CDC7: variants seen among roughly 807,000 people sequenced by gnomAD.
The protein encoded by CDC7 is cell division cycle 7, also known as cell division cycle 7-related protein kinase.
A neutral mutation model predicts 53.5 loss-of-function variants in CDC7; 34 were observed. That is an observed-to-expected ratio of 0.64 (90% confidence interval 0.48 to 0.85). The LOEUF (loss-of-function observed/expected upper bound fraction) is 0.85, where lower values mean the gene tolerates loss of function less well. Among genes scored for constraint, CDC7 ranks in the 40% least tolerant of loss-of-function variants. The pLI is 0.00. For missense variants in CDC7, 594 were observed against 679.7 expected, an observed-to-expected ratio of 0.87 and a Z score of 1.40; for synonymous variants, 211 against 222.8, an observed-to-expected ratio of 0.95 and a Z score of 0.47.
chr1:91,506,302 A>G (rs1666985634), intron 2 of CDC7, among the ~76,000 whole-genome samples: 1 of 151,650 alleles, frequency 6.6e-6, no homozygotes, highest in African/African-American at 2.4e-5. Context: ...CCCAGGCCAC[A>G]TTGTATTTCA....
At chr1:91,515,975 T>G in intron 10 of CDC7, 99 bp downstream of exon 10, 1 of 994,862 alleles carries the variant, frequency 1.0e-6, no homozygotes, top group African/African-American at 1.6e-5. Flanking sequence ...ATTTGAGTTC[T>G]TCTGCTTTTA....
chr1:91,525,170 G>T lies in CDC7; in HGVS notation c.*735G>T, dbSNP rs1046209538. ...TTATTAAATATTGTACGTGTTTACAGTTGGGAATTTAAAATAATACATACA... is the reference window on the plus strand; with the variant it reads ...TTATTAAATATTGTACGTGTTTACATTTGGGAATTTAAAATAATACATACA... On this transcript the variant is annotated 3_prime_UTR_variant, in exon 12 of 12. Transcript: ENST00000234626. The T allele has an allele frequency of 6.6e-6, 1 of 152,132 alleles. No individual in the cohort carries two copies. Among genetic ancestry groups the T allele is most frequent in the African/African-American group, 2.4e-5 (1 of 41,444 alleles). The allele number at this position is 152,132 out of a possible 1,614,324, so 9.4% of individuals were successfully genotyped here.
At chr1:91,511,247 C>T (rs1250145287) in intron 4 of CDC7, among the ~76,000 whole-genome samples, 1 of 152,008 alleles carries the variant, frequency 6.6e-6, no homozygotes, top group African/African-American at 2.4e-5. Context: ...AATCCTGGCT[C>T]ATTGATCTAT....
chr1:91,501,397 C>A, intron 1 of CDC7: 1 of 280,896 alleles, frequency 3.6e-6, no homozygotes, highest in Non-Finnish European at 6.7e-6. Flanking sequence ...GACTGGCAGC[C>A]TCGCCGTTTC....
In CDC7 at chr1:91,525,155, T is replaced by C. The variant is rs761864288; in HGVS notation, c.*720T>C. 2.0e-5 allele frequency: 3 copies of C among 152,286 alleles called. No individual in the cohort carries two copies. Among genetic ancestry groups the C allele is most frequent in the Middle Eastern group, 3.4e-3 (1 of 294 alleles). 9.4% of individuals were successfully genotyped at this position (152,286 alleles called of 1,614,324 possible). ...AAGTTTCTGGATGTTTTATTAAATA[T>C]TGTACGTGTTTACAGTTGGGAATTT... On this transcript the variant is annotated 3_prime_UTR_variant, in exon 12 of 12. Coordinates refer to ENST00000234626, the MANE Select transcript of CDC7 (RefSeq NM_003503.4).
intron 11 of CDC7, among the ~76,000 whole-genome samples, chr1:91,521,920 ACTTTGAGAGG>A (rs1333789246): frequency 6.6e-6 from 1 of 152,084 alleles, no homozygotes; most frequent in Non-Finnish European, 1.5e-5. Context: ...TAATCCCAGC[ACTTTGAGAGG>A]CTTAGGTGGG....
chr1:91,503,803 C>T (rs1666830725), intron 2 of CDC7, among the ~76,000 whole-genome samples: 1 of 152,058 alleles, frequency 6.6e-6, no homozygotes. Flanking sequence ...TACATAGGTA[C>T]ATTTTTTAGA....
In CDC7 at chr1:91,524,051, A is replaced by G; in HGVS notation, c.1341A>G (p.Ile447Met). Residue 447 changes from isoleucine to methionine, a missense_variant, in exon 12 of 12, where the codon ATA (isoleucine) becomes ATG (methionine). Ile to Met is a conservative substitution (Grantham distance 10). Transcript: ENST00000234626. ...TTCTTTTGCTTTTAGGGAAATCAATATTATGTAGCAAAGAAGTTCCAGCAC... is the reference window on the plus strand; with the variant it reads ...TTCTTTTGCTTTTAGGGAAATCAATGTTATGTAGCAAAGAAGTTCCAGCAC... ...IQAAKTFGKS[I>M]LCSKEVPAQD... The G allele has an allele frequency of 2.5e-6, 4 of 1,591,892 alleles. No individual in the cohort carries two copies. Among genetic ancestry groups the G allele is most frequent in the Non-Finnish European group, 3.4e-6 (4 of 1,170,344 alleles).
chr1:91,524,463 T>TTA lies in CDC7; in HGVS notation c.*30_*31dup, dbSNP rs760428860. On this transcript the variant is annotated 3_prime_UTR_variant, in exon 12 of 12. Transcript: ENST00000234626. ...ATGGATCTTCATTTAATGTTTACTG[T>TTA]TATGAGGTAGAATAAAAAAGAATAC... 53 of 1,530,504 alleles carry TTA rather than the reference T, an allele frequency of 3.5e-5. No homozygotes were observed. Among genetic ancestry groups the TTA allele is most frequent in the Non-Finnish European group, 4.4e-5 (50 of 1,132,630 alleles). 94.8% of individuals were successfully genotyped at this position (1,530,504 alleles called of 1,614,324 possible).
In CDC7 at chr1:91,513,262, C is replaced by T. The variant is rs1442214297; in HGVS notation, c.777C>T (p.Pro259=). 6.2e-7 allele frequency: 1 copy of T among 1,613,358 alleles called. No individual in the cohort carries two copies. Among genetic ancestry groups the T allele is most frequent in the Admixed American group, 1.7e-5 (1 of 59,978 alleles). The change falls in exon 7 of 12, where the codon CCC becomes CCT. Residue 259 remains proline, a synonymous_variant. Transcript: ENST00000234626. ...CCACAAAAGCTTCTGTTAAAAGACCCTACACAAATGCACAAATTCAGATTA... is the reference window on the plus strand; with the variant it reads ...CCACAAAAGCTTCTGTTAAAAGACCTTACACAAATGCACAAATTCAGATTA... ...QSTTKASVKR[P]YTNAQIQIKQ... is the part of the protein sequence containing the mutation.
At position 91,524,867 on chromosome 1, in the gene CDC7, G is replaced by A. The variant is rs1464749483; in HGVS notation, c.*432G>A. The A allele has an allele frequency of 6.6e-6, 1 of 151,064 alleles. No individual in the cohort carries two copies. The highest frequency in any genetic ancestry group is 1.5e-5 in the Non-Finnish European group (1 of 68,830). 9.4% of individuals were successfully genotyped at this position (151,064 alleles called of 1,614,324 possible). A position where few individuals can be genotyped will look rare whatever the true frequency, so the allele number is the denominator to read the frequency against. On this transcript the variant is annotated 3_prime_UTR_variant, in exon 12 of 12. Coordinates refer to ENST00000234626, the MANE Select transcript of CDC7 (RefSeq NM_003503.4). ...TGGGGAAACTCAACCTGGTGCTGGT[G>A]CTCTTAACAATTTTGTAAATAAAGA...
In CDC7 at chr1:91,515,929, A is replaced by G; in HGVS notation, c.1180+53A>G. ...AGTTAAAATGGATTGTTCCAGACGT[A>G]TTTTATTTTATGATCTTTGTCTATT... On this transcript the variant is annotated intron_variant, in intron 10 of 11. Transcript: ENST00000234626. 5 of 1,357,198 alleles carry G rather than the reference A, an allele frequency of 3.7e-6. No individual in the cohort carries two copies. The South Asian group carries it at 6.0e-5, about 16-fold the overall frequency. The allele number at this position is 1,357,198 out of a possible 1,614,324, so 84.1% of individuals were successfully genotyped here. A position where few individuals can be genotyped will look rare whatever the true frequency, so the allele number is the denominator to read the frequency against.
In CDC7 at chr1:91,501,835, C is replaced by T. The variant is rs1396010150; in HGVS notation, c.115+4C>T. 3 of 1,598,274 alleles carry T rather than the reference C, an allele frequency of 1.9e-6. No homozygotes were observed. The highest frequency in any genetic ancestry group is 2.2e-5 in the East Asian group (1 of 44,842). On this transcript the variant is annotated splice_donor_region_variant and intron_variant, in intron 2 of 11. Transcript: ENST00000234626. ...GAGCAGAATTTTAAACTTGCAGGTA[C>T]GTGTTTAAATCCAAAGATGTACAGT...
In CDC7 at chr1:91,514,979, G is replaced by A; in HGVS notation, c.1079G>A (p.Cys360Tyr). 6.2e-7 allele frequency: 1 copy of A among 1,610,340 alleles called. No homozygotes were observed. Among genetic ancestry groups the A allele is most frequent in the Non-Finnish European group, 8.5e-7 (1 of 1,178,970 alleles). Residue 360 changes from cysteine to tyrosine, a missense_variant, in exon 9 of 12, where the codon TGT becomes TAT. Physicochemically the swap from Cys to Tyr is radical, Grantham distance 194. Transcript: ENST00000234626. ...GACTGCTATGCAACAGATAAAGTTT[G>A]TAGTATTTGCCTTTCAAGGTAATGT... ...TCDCYATDKV[C>Y]SICLSRRQQV...
At chr1:91,512,513 A>G (rs1016708855) in intron 6 of CDC7, among the ~76,000 whole-genome samples, 2 of 152,090 alleles carry the variant, frequency 1.3e-5, no homozygotes, top group Non-Finnish European at 2.9e-5. Flanking sequence ...TTTTAACACA[A>G]AAGTTTTATT....
At chr1:91,509,532 C>G (rs1418055576) in intron 4 of CDC7, among the ~76,000 whole-genome samples, 2 of 152,186 alleles carry the variant, frequency 1.3e-5, no homozygotes, top group African/African-American at 4.8e-5. Context: ...CATTTTGGCT[C>G]TAAAGTATAT....
chr1:91,514,136 T>G, intron 8 of CDC7, 93 bp downstream of exon 8: 1 of 753,832 alleles, frequency 1.3e-6, no homozygotes, highest in Non-Finnish European at 2.1e-6. Context: ...TATCAGAAAT[T>G]TTTTTAAACT....
chr1:91,506,603 GT>G, intron 2 of CDC7, among the ~76,000 whole-genome samples: 1 of 151,926 alleles, frequency 6.6e-6, no homozygotes, highest in South Asian at 2.1e-4. Context: ...AAATTTATTG[GT>G]TTTTTTTACA....
chr1:91,514,991 T>C lies in CDC7; in HGVS notation c.1091T>C (p.Leu364Pro). 6.2e-7 allele frequency: 1 copy of C among 1,608,348 alleles called. No individual in the cohort carries two copies. Among genetic ancestry groups the C allele is most frequent in the South Asian group, 1.1e-5 (1 of 89,872 alleles). The part of the protein sequence containing the change: ...YATDKVCSIC[L>P]SRRQQVAPRA... ...ACAGATAAAGTTTGTAGTATTTGCC[T>C]TTCAAGGTAATGTGTTTTGATGGTG... Residue 364 changes from leucine (L) to proline (P), a missense_variant, in exon 9 of 12, where the codon CTT becomes CCT. Leu to Pro is a moderately conservative substitution (Grantham distance 98). Transcript: ENST00000234626.
Sources: gnomAD v4.1 joint callset for allele counts (sites outside exome capture counted in the v4.1 genomes callset) on GRCh38, gnomAD v4.1.1 for gene constraint, MANE v1.5 for transcripts, NCBI Gene and HGNC (gene_info 2026-07-23, HGNC 2026-07-21) for gene names.